Variants in IRX2 observed in about 807,000 individuals in gnomAD.
IRX2 encodes the protein iroquois homeobox 2.
Under a neutral mutation model 42.9 loss-of-function variants are expected in IRX2, and 26 were observed. That is an observed-to-expected ratio of 0.61 (90% confidence interval 0.44 to 0.84). The LOEUF (loss-of-function observed/expected upper bound fraction) is 0.84. Ranked by LOEUF, IRX2 falls within the 40% of genes least tolerant of loss-of-function variation. The probability of loss-of-function intolerance (pLI) is 0.00; values close to 1 mark genes in which losing one functional copy is unlikely to be tolerated. For synonymous variants in IRX2, 424 were observed against 353.9 expected (o/e 1.20, Z -2.22); for missense variants, 782 against 713.9 (o/e 1.10, Z -1.09).
chr5:2,749,909 G>A, intron 1 of IRX2, 122 bp from the exon 2 acceptor site: 1 of 1,008,618 alleles, frequency 9.9e-7, no homozygotes, highest in Non-Finnish European at 1.4e-6. Flanking sequence ...CTCTGGGGCT[G>A]CGCTTCCCGC....
At position 2,751,466 on chromosome 5, in the gene IRX2, C is replaced by A. The variant is rs1737984345; in HGVS notation, c.-53G>T. On this transcript the variant is annotated 5_prime_UTR_variant, in exon 1 of 4. Coordinates refer to ENST00000302057, the MANE Select transcript of IRX2 (RefSeq NM_033267.5). The surrounding 1 kb of genome is among the most constrained non-coding windows in gnomAD (Gnocchi z 4.0). ...CACGCCGAGCAGCGGGCAGGGCGCGCGGCGCCCTCCATCCACGCCCGGCCG... is the reference window on the plus strand; with the variant it reads ...CACGCCGAGCAGCGGGCAGGGCGCGAGGCGCCCTCCATCCACGCCCGGCCG... 2 of 1,099,126 alleles carry A rather than the reference C, an allele frequency of 1.8e-6. No homozygotes were observed. Among genetic ancestry groups the A allele is most frequent in the African/African-American group, 1.7e-5 (1 of 59,044 alleles). 68.1% of individuals were successfully genotyped at this position (1,099,126 alleles called of 1,614,324 possible).
In IRX2 at chr5:2,748,482, C is replaced by A. The variant is rs1452266289; in HGVS notation, c.1226G>T (p.Arg409Leu). Residue 409 changes from arginine to leucine, a missense_variant, in exon 3 of 4, where the codon CGG (arginine) becomes CTG (leucine). Physicochemically the swap from Arg to Leu is moderately radical, Grantham distance 102. Transcript: ENST00000302057. ...GGGGGCCGCGGCCGCAGAGTTGTAC[C>A]GCAGGAGACCCTGGCCCTGCAGCGC... ...NAALQGQGLLRYNSAAAAPGE... is the reference protein window; with the variant it reads ...NAALQGQGLLLYNSAAAAPGE... The A allele has an allele frequency of 6.3e-7, 1 of 1,578,502 alleles. No homozygotes were observed. The highest frequency in any genetic ancestry group is 1.1e-5 in the South Asian group (1 of 88,380).
intron 3 of IRX2, 68 bp downstream of exon 3, chr5:2,748,277 G>A (rs929271035): frequency 7.6e-7 from 1 of 1,323,802 alleles, no homozygotes; most frequent in Non-Finnish European, 9.7e-7. Flanking sequence ...CGGGTCTCCC[G>A]GGCGCTCCGC....
the IRX2 span, among the ~76,000 whole-genome samples, chr5:2,738,491 C>T: frequency 1.3e-5 from 2 of 152,118 alleles, no homozygotes; most frequent in Admixed American, 6.5e-5. Flanking sequence ...CCTGATTCGC[C>T]CCCCTGTTCC....
Position 2,746,353 on chromosome 5 carries a change from T to C in IRX2, c.*1211A>G, listed in dbSNP as rs1444802170. 6.6e-6 allele frequency: 1 copy of C among 152,236 alleles called. No homozygotes were observed. The highest frequency in any genetic ancestry group is 1.5e-5 in the Non-Finnish European group (1 of 68,042). The allele number at this position is 152,236 out of a possible 1,614,324, so 9.4% of individuals were successfully genotyped here. A position where few individuals can be genotyped will look rare whatever the true frequency, so the allele number is the denominator to read the frequency against. ...AATTACTAGAAGCTTTATATCATTA[T>C]AAAAATAAATATCAAATTTGTTTCC... On this transcript the variant is annotated 3_prime_UTR_variant, in exon 4 of 4. Transcript: ENST00000302057.
Position 2,748,967 on chromosome 5 carries a change from G to T in IRX2, c.741C>A (p.Asp247Glu), listed in dbSNP as rs755699990. The T allele has an allele frequency of 1.3e-6, 2 of 1,597,368 alleles. No individual in the cohort carries two copies. The highest frequency in any genetic ancestry group is 1.7e-6 in the Non-Finnish European group (2 of 1,179,520). ...ACTCCGAGCCCGATTCGCACAGGGG[G>T]TCCCCGGCGCGGCACGGAAGCTTCT... ...DGEKLPCRAG[D>E]PLCESGSECK... The change falls in exon 3 of 4, where the codon GAC becomes GAA. Residue 247 changes from aspartate to glutamate, a missense_variant. Around this residue, in one of 3 missense-constraint regions of IRX2, gnomAD observed 520 missense variants for 437.8 expected, o/e 1.19. Coordinates refer to ENST00000302057, the MANE Select transcript of IRX2 (RefSeq NM_033267.5).
Position 2,748,734 on chromosome 5 carries a change from C to A in IRX2, c.974G>T (p.Ser325Ile). The A allele has an allele frequency of 1.5e-6, 2 of 1,378,658 alleles. No homozygotes were observed. The highest frequency in any genetic ancestry group is 1.7e-5 in the South Asian group (1 of 59,370). 85.4% of individuals were successfully genotyped at this position (1,378,658 alleles called of 1,614,324 possible). A position where few individuals can be genotyped will look rare whatever the true frequency, so the allele number is the denominator to read the frequency against. ...RTSPGAPPPASKPKLWSLAEI... is the reference protein window; with the variant it reads ...RTSPGAPPPAIKPKLWSLAEI... ...GGCCAGCGACCACAGCTTGGGCTTGCTGGCGGGGGGCGGCGCGCCCGGAGA... is the reference window on the plus strand; with the variant it reads ...GGCCAGCGACCACAGCTTGGGCTTGATGGCGGGGGGCGGCGCGCCCGGAGA... The change falls in exon 3 of 4, where the codon AGC becomes ATC. Residue 325 changes from serine to isoleucine, a missense_variant. By Grantham distance (142) the Ser-to-Ile change is moderately radical (BLOSUM62 -2). Transcript: ENST00000302057.
In IRX2 at chr5:2,747,658, CCTG is replaced by C. The variant is rs774697775; in HGVS notation, c.1364-45_1364-43del. On this transcript the variant is annotated intron_variant, in intron 3 of 3. Transcript: ENST00000302057. ...CAGTTAGTCAGAACCGACCCCACAG[CCTG>C]CTGGCTGCGCAGACCACCGTGCACC... The C allele has an allele frequency of 6.9e-6, 11 of 1,603,608 alleles. No homozygotes were observed. The South Asian group carries it at 1.2e-4, about 18-fold the overall frequency.
chr5:2,748,523 G>C lies in IRX2; in HGVS notation c.1185C>G (p.Tyr395Ter). ...CCTGCAGCGCCGCGTTCAAGTTCCC[G>C]TAGTTTGTGTAGTTGCCGTAGAAGG... ...TSPFYGNYTN[Y>*]GNLNAALQGQ... Residue 395 changes from tyrosine (Y) to a stop codon, truncating the protein, a stop_gained, in exon 3 of 4, where the codon TAC becomes TAG. Transcript: ENST00000302057. LOFTEE classifies it high-confidence loss of function. 6.3e-7 allele frequency: 1 copy of C among 1,580,646 alleles called. No homozygotes were observed. Among genetic ancestry groups the C allele is most frequent in the Non-Finnish European group, 8.6e-7 (1 of 1,164,750 alleles).
downstream of IRX2, among the ~76,000 whole-genome samples, chr5:2,741,882 G>A (rs1737550091): frequency 6.6e-6 from 1 of 152,120 alleles, no homozygotes; most frequent in Non-Finnish European, 1.5e-5. Context: ...TATTATCATG[G>A]GGCCAGAGTT....
At position 2,748,577 on chromosome 5, in the gene IRX2, C is replaced by T; in HGVS notation, c.1131G>A (p.Leu377=). ...PGGSPYPASP[L]LGRPLYYTSP... The stretch of plus-strand genomic sequence containing the variant: ...ACGTGTAGTAGAGGGGGCGGCCCAG[C>T]AGCGGCGAGGCAGGGTAGGGCGAGC... Residue 377 remains leucine (L), a synonymous_variant, in exon 3 of 4, where the codon CTG becomes CTA. Coordinates refer to ENST00000302057, the MANE Select transcript of IRX2 (RefSeq NM_033267.5). The T allele has an allele frequency of 6.4e-7, 1 of 1,561,598 alleles. No homozygotes were observed.
chr5:2,749,883 C>G, intron 1 of IRX2, 96 bp from the exon 2 acceptor site: 2 of 1,311,456 alleles, frequency 1.5e-6, no homozygotes, highest in Non-Finnish European at 2.1e-6. Context: ...GGCCACCGTT[C>G]CCCCCGTGAG....
Position 2,749,464 on chromosome 5 carries a change from C to T in IRX2, c.573G>A (p.Glu191=). The T allele has an allele frequency of 1.2e-6, 2 of 1,614,224 alleles. No individual in the cohort carries two copies. Among genetic ancestry groups the T allele is most frequent in the Non-Finnish European group, 8.5e-7 (1 of 1,180,036 alleles). The change falls in exon 2 of 4, where the codon GAG becomes GAA. Residue 191 remains glutamate, a synonymous_variant. Transcript: ENST00000302057. ...TGCTTCTGGTAGCGTCGCCCTCGTC[C>T]TCGTCCTCATCTTCGCTTTTGTTTC... ...APRNKSEDED[E]DEGDATRSKD...
downstream of IRX2, among the ~76,000 whole-genome samples, chr5:2,742,664 G>A (rs369201477): frequency 6.6e-6 from 1 of 152,142 alleles, no homozygotes; most frequent in African/African-American, 2.4e-5. Context: ...GGATTCTCAA[G>A]GTACTGGGCA....
the IRX2 span, among the ~76,000 whole-genome samples, chr5:2,736,116 C>G: frequency 6.6e-6 from 1 of 152,134 alleles, no homozygotes. Flanking sequence ...CAGTTGAAAC[C>G]AACATCCCAG....
chr5:2,747,559 C>T lies in IRX2; in HGVS notation c.*5G>A, dbSNP rs1737718463. The T allele has an allele frequency of 6.2e-7, 1 of 1,613,910 alleles. No individual in the cohort carries two copies. Among genetic ancestry groups the T allele is most frequent in the Non-Finnish European group, 8.5e-7 (1 of 1,179,786 alleles). ...CACTTACTTGCATTGCTGTGCTCGG[C>T]CCTTCTATAGGTAGGGCTGGACGCC... On this transcript the variant is annotated 3_prime_UTR_variant, in exon 4 of 4. Transcript: ENST00000302057.
At chr5:2,737,310 T>C in the IRX2 span, 1 of 152,358 alleles carries the variant, frequency 6.6e-6, no homozygotes, top group Non-Finnish European at 1.5e-5. Context: ...CGGATCAGTC[T>C]GTTCAGGTCA....
At chr5:2,736,630 A>G in the IRX2 span, 1 of 152,246 alleles carries the variant, frequency 6.6e-6, no homozygotes, top group South Asian at 2.1e-4. Flanking sequence ...CACTATTGTC[A>G]AAACACAAAT....
rs1216689742 is a variant in IRX2 at position 2,747,037 on chromosome 5, G to C, written c.*527C>G. The C allele has an allele frequency of 6.6e-6, 1 of 152,036 alleles. No homozygotes were observed. Among genetic ancestry groups the C allele is most frequent in the Non-Finnish European group, 1.5e-5 (1 of 68,014 alleles). The allele number at this position is 152,036 out of a possible 1,614,324, so 9.4% of individuals were successfully genotyped here. On this transcript the variant is annotated 3_prime_UTR_variant, in exon 4 of 4. Coordinates refer to ENST00000302057, the MANE Select transcript of IRX2 (RefSeq NM_033267.5). ...GACAGGGCTGATAAAAGACTAGTAC[G>C]CCTCGTGTCTCTTCAGTCTTATTTT...
Sources: allele counts gnomAD v4.1 joint callset (sites outside exome capture counted in the v4.1 genomes callset), GRCh38; gene constraint gnomAD v4.1.1; regional missense constraint gnomAD v4.1.1; non-coding constraint Gnocchi (gnomAD v3.1); transcripts MANE v1.5; gene names NCBI Gene and HGNC (gene_info 2026-07-23, HGNC 2026-07-21).